The following SEMA3A variants were observed in gnomAD, a reference collection of about 807,000 sequenced individuals.
The protein encoded by SEMA3A is semaphorin-3A.
In SEMA3A, 29 loss-of-function variants were observed where a neutral mutation model predicts 97.9. That is an observed-to-expected ratio of 0.30 (90% confidence interval 0.22 to 0.40). The LOEUF (loss-of-function observed/expected upper bound fraction) is 0.40, where lower values mean the gene tolerates loss of function less well. Ranked by LOEUF, SEMA3A falls within the 10% of genes least tolerant of loss-of-function variation. SEMA3A has a pLI of 1.00. For synonymous variants in SEMA3A, 321 were observed against 323.7 expected (o/e 0.99, Z 0.09); for missense variants, 763 against 951.3 (o/e 0.80, Z 2.60).
upstream of SEMA3A, among the ~76,000 whole-genome samples, chr7:84,199,786 C>T (rs570313509): frequency 6.6e-6 from 1 of 152,170 alleles, no homozygotes; most frequent in South Asian, 2.1e-4. Flanking sequence ...TCAGAAGACA[C>T]TCTATTAATT....
At chr7:84,134,367 A>G (rs1796058606) in intron 2 of SEMA3A, among the ~76,000 whole-genome samples, 1 of 152,228 alleles carries the variant, frequency 6.6e-6, no homozygotes, top group African/African-American at 2.4e-5. Flanking sequence ...AACTTTATTT[A>G]CAAACACTGA....
At chr7:84,035,862 T>C (rs1791924056) in intron 6 of SEMA3A, among the ~76,000 whole-genome samples, 1 of 152,100 alleles carries the variant, frequency 6.6e-6, no homozygotes, top group Admixed American at 6.6e-5. Flanking sequence ...TTAGGGACAT[T>C]TGTCACTGAG....
At chr7:84,310,575 TCTC>T (rs955077883) in intron 2 of SEMA3A, among the ~76,000 whole-genome samples, 1 of 152,012 alleles carries the variant, frequency 6.6e-6, no homozygotes, top group East Asian at 1.9e-4. Flanking sequence ...ATCCTGGTGT[TCTC>T]CTGGAAATTC....
At chr7:84,170,613 A>AT (rs1413790674) in intron 1 of SEMA3A, among the ~76,000 whole-genome samples, 2 of 152,174 alleles carry the variant, frequency 1.3e-5, no homozygotes, top group East Asian at 3.9e-4. Flanking sequence ...ATTTTAGGGT[A>AT]TTTTGAATAA....
At chr7:84,084,419 C>T (rs892349864) in intron 4 of SEMA3A, among the ~76,000 whole-genome samples, 3 of 151,634 alleles carry the variant, frequency 2.0e-5, no homozygotes, top group African/African-American at 7.3e-5. Flanking sequence ...AAAAATATGT[C>T]TAACTAGTGA....
chr7:84,202,714 C>A (rs911524592), intron 3 of SEMA3A, among the ~76,000 whole-genome samples: 2 of 152,152 alleles, frequency 1.3e-5, no homozygotes, highest in African/African-American at 4.8e-5. Context: ...TTTATCCATT[C>A]ATTCAACAAA....
intron 1 of SEMA3A, among the ~76,000 whole-genome samples, chr7:84,488,317 T>TATAC (rs371812440): frequency 2.1e-5 from 3 of 145,672 alleles, no homozygotes; most frequent in Non-Finnish European, 4.5e-5. Flanking sequence ...TCTTCGTATA[T>TATAC]ACACACACAC....
chr7:83,960,755 A>C lies in SEMA3A; in HGVS notation c.*616T>G, dbSNP rs975825498. On this transcript the variant is annotated 3_prime_UTR_variant, in exon 17 of 17. Coordinates refer to ENST00000265362, the MANE Select transcript of SEMA3A (RefSeq NM_006080.3). The stretch of plus-strand genomic sequence containing the variant: ...TTTTAATAAAATACATCTTTAGATC[A>C]AAGCTGAAAGAAGACATCAGTAGTA... 1 of 152,626 alleles carries C rather than the reference A, an allele frequency of 6.6e-6. No homozygotes were observed. The highest frequency in any genetic ancestry group is 2.4e-5 in the African/African-American group (1 of 41,438). 9.5% of individuals were successfully genotyped at this position (152,626 alleles called of 1,614,324 possible). A position where few individuals can be genotyped will look rare whatever the true frequency, so the allele number is the denominator to read the frequency against.
chr7:84,314,143 T>G (rs1443699568), intron 2 of SEMA3A, among the ~76,000 whole-genome samples: 4 of 152,082 alleles, frequency 2.6e-5, no homozygotes, highest in Non-Finnish European at 5.9e-5. Flanking sequence ...CTTCTCAAAT[T>G]CATTCTAAAA....
chr7:84,247,700 A>G (rs1799509108), intron 3 of SEMA3A, among the ~76,000 whole-genome samples: 2 of 152,166 alleles, frequency 1.3e-5, no homozygotes, highest in African/African-American at 4.8e-5. Context: ...TCAATGATCC[A>G]CTGGAGAGTG....
rs117216462 is a variant in SEMA3A at position 84,447,091 on chromosome 7, C to G, written c.-246+45369G>C. On this transcript the variant is annotated intron_variant, in intron 1 of 3. Transcript: ENST00000424555. ...CTCTGATTTCAAAGCAAAGTTGAAG[C>G]GAGCCCAGGCGCCATCACGACCTGG... is the stretch of plus-strand genomic sequence containing the variant. Among the ~76,000 whole-genome samples the G allele has an allele frequency of 1.7e-3, 263 of 152,278 alleles. 5 individuals carry two copies. The East Asian group carries it at 0.048, about 28-fold the overall frequency.
chr7:84,463,787 A>T (rs537290603), intron 1 of SEMA3A, among the ~76,000 whole-genome samples: 64 of 151,734 alleles, frequency 4.2e-4, no homozygotes, highest in African/African-American at 1.5e-3. Flanking sequence ...TGTCCCTCCC[A>T]CTTTTCCTCC....
At chr7:84,230,610 C>A (rs935424740) in intron 3 of SEMA3A, among the ~76,000 whole-genome samples, 1 of 151,888 alleles carries the variant, frequency 6.6e-6, no homozygotes, top group Non-Finnish European at 1.5e-5. Flanking sequence ...TTAACCTAAT[C>A]ACCATATCTC....
rs368287800 is a variant in SEMA3A, at chr7:84,275,618, G to C, written c.-83+31589C>G. Among the ~76,000 whole-genome samples, 10 of 151,930 alleles carry C rather than the reference G, an allele frequency of 6.6e-5. No homozygotes were observed. In the East Asian group the frequency reaches 1.6e-3, roughly 24 times the overall value. On this transcript the variant is annotated intron_variant, in intron 3 of 3. Coordinates refer to the SEMA3A transcript ENST00000424555. Reference sequence around the variant, plus strand: ...GTGCAGCCAGGATTCTGCATTCCTAGAAAGTTCTCAGGGGTTGCTGGTCTA... The same window carrying C: ...GTGCAGCCAGGATTCTGCATTCCTACAAAGTTCTCAGGGGTTGCTGGTCTA...
intron 6 of SEMA3A, among the ~76,000 whole-genome samples, chr7:84,018,967 A>AAATGAAGGC (rs1419567382): frequency 6.6e-6 from 1 of 152,190 alleles, no homozygotes; most frequent in Admixed American, 6.5e-5. Context: ...AGTGAGGCCA[A>AAATGAAGGC]AATGAAGGCA....
At chr7:84,091,230 A>G (rs1421121415) in intron 4 of SEMA3A, among the ~76,000 whole-genome samples, 1 of 92,658 alleles carries the variant, frequency 1.1e-5, no homozygotes, top group South Asian at 3.2e-4. Flanking sequence ...AAGAAAGAAA[A>G]GAAAGAAGGA....
chr7:84,239,385 T>G (rs1052784536), intron 3 of SEMA3A, among the ~76,000 whole-genome samples: 2 of 152,170 alleles, frequency 1.3e-5, no homozygotes, highest in Non-Finnish European at 2.9e-5. Flanking sequence ...CACTAAATAC[T>G]CTGTAAGTAA....
At chr7:84,084,242 G>C (rs1193115107) in intron 4 of SEMA3A, among the ~76,000 whole-genome samples, 1 of 151,874 alleles carries the variant, frequency 6.6e-6, no homozygotes, top group Non-Finnish European at 1.5e-5. Flanking sequence ...TCCTAATAAT[G>C]CTTTCAAAAA....
At chr7:84,474,221 A>G (rs1806222985) in intron 1 of SEMA3A, among the ~76,000 whole-genome samples, 1 of 152,252 alleles carries the variant, frequency 6.6e-6, no homozygotes, top group African/African-American at 2.4e-5. Flanking sequence ...GAGAAAACGA[A>G]TAAAAATATG....
Sources: allele counts gnomAD v4.1 joint callset (sites outside exome capture counted in the v4.1 genomes callset), GRCh38; gene constraint gnomAD v4.1.1; transcripts MANE v1.5; gene names NCBI Gene and HGNC (gene_info 2026-07-23, HGNC 2026-07-21).